Variants in GNG8 observed in about 807,000 individuals in gnomAD.
GNG8 encodes the protein G protein subunit gamma 8, also known as guanine nucleotide-binding protein G(I)/G(S)/G(O) subunit gamma-8.
Under a neutral mutation model 4.6 loss-of-function variants are expected in GNG8, and 3 were observed. The ratio of observed to expected loss-of-function variants is 0.65; its 90% CI spans 0.29 to 1.67. GNG8 has a LOEUF of 1.67. Among genes scored for constraint, GNG8 ranks in the 40% most tolerant of loss-of-function variants. The probability of loss-of-function intolerance (pLI) is 0.10; values close to 1 mark genes in which losing one functional copy is unlikely to be tolerated. For synonymous variants in GNG8, 32 were observed against 40.5 expected (o/e 0.79, Z 0.80); for missense variants, 88 against 95.2 (o/e 0.92, Z 0.32).
rs1049227704 is a variant in GNG8, at chr19:46,634,575, C to G, written c.84+24G>C. ...AGACCGCAGGCCCAGAACCCCCGCC[C>G]TATTCCCCACCCCGACCCAGCACCT... On this transcript the variant is annotated intron_variant, in intron 2 of 2. Coordinates refer to ENST00000693335, the MANE Select transcript of GNG8 (RefSeq NM_033258.2). 1.9e-6 allele frequency: 3 copies of G among 1,603,214 alleles called. No individual in the cohort carries two copies. In the South Asian group the frequency reaches 3.3e-5, roughly 18 times the overall value.
upstream of GNG8, chr19:46,637,465 A>G (rs1041677992): frequency 1.3e-5 from 2 of 152,526 alleles, no homozygotes; most frequent in African/African-American, 4.8e-5. Flanking sequence ...CTTGCCTTCT[A>G]CACACAAGGC....
chr19:46,636,624 C>T (rs1159898188), upstream of GNG8, among the ~76,000 whole-genome samples: 1 of 152,120 alleles, frequency 6.6e-6, no homozygotes, highest in Non-Finnish European at 1.5e-5. Flanking sequence ...CACAACCTCA[C>T]GAATGACCTT....
upstream of GNG8, chr19:46,637,270 TCA>T (rs1324746114): frequency 6.6e-6 from 1 of 152,280 alleles, no homozygotes; most frequent in East Asian, 1.9e-4. Flanking sequence ...ATACATTCTC[TCA>T]CAGTCTCCTG....
chr19:46,636,756 A>G (rs2052871744), upstream of GNG8: 1 of 151,712 alleles, frequency 6.6e-6, no homozygotes, highest in Non-Finnish European at 1.5e-5. Context: ...AGTGTCACAC[A>G]TAATGTCTCC....
upstream of GNG8, among the ~76,000 whole-genome samples, chr19:46,636,327 T>C (rs2052869029): frequency 6.6e-6 from 1 of 151,938 alleles, no homozygotes; most frequent in African/African-American, 2.4e-5. Flanking sequence ...CTCTCTCTTG[T>C]CTGTCAGTCC....
In GNG8 at chr19:46,634,084, G is replaced by C; in HGVS notation, c.205C>G (p.Leu69Val). 1 of 1,613,602 alleles carries C rather than the reference G, an allele frequency of 6.2e-7. No individual in the cohort carries two copies. Among genetic ancestry groups the C allele is most frequent in the African/African-American group, 1.3e-5 (1 of 75,036 alleles). Residue 69 changes from leucine to valine, a missense_variant, in exon 3 of 3, where the codon CTG becomes GTG. Physicochemically the swap from Leu to Val is conservative, Grantham distance 32 (BLOSUM62 1). Transcript: ENST00000693335. ...TAAGCTGTCCGGAGGGCTCAGAGCA[G>C]AACACAAAAGAGGCGCTTGTCGCGG... The part of the protein sequence containing the change: ...PFRDKRLFCV[L>V]L
rs549414059 is a variant in GNG8, at chr19:46,634,087, C to T, written c.202G>A (p.Val68Ile). 1.5e-4 allele frequency: 239 copies of T among 1,613,626 alleles called. 2 individuals carry two copies. The South Asian group carries it at 2.4e-3, about 17-fold the overall frequency. Residue 68 changes from valine (V) to isoleucine (I), a missense_variant, in exon 3 of 3, where the codon GTT (valine) becomes ATT (isoleucine). Val to Ile is a conservative substitution (Grantham distance 29). Transcript: ENST00000693335. ...GCTGTCCGGAGGGCTCAGAGCAGAACACAAAAGAGGCGCTTGTCGCGGAAG... is the reference window on the plus strand; with the variant it reads ...GCTGTCCGGAGGGCTCAGAGCAGAATACAAAAGAGGCGCTTGTCGCGGAAG... The part of the protein sequence containing the change: ...NPFRDKRLFC[V>I]LL
chr19:46,635,138 A>G (rs1274572122), intron 1 of GNG8, among the ~76,000 whole-genome samples: 3 of 152,004 alleles, frequency 2.0e-5, no homozygotes, highest in Non-Finnish European at 4.4e-5. Flanking sequence ...AGGGGGCCTC[A>G]TTAGGGCCTT....
chr19:46,634,473 C>T (rs2052850633), intron 2 of GNG8, 126 bp downstream of exon 2: 2 of 870,996 alleles, frequency 2.3e-6, no homozygotes, highest in African/African-American at 1.7e-5. Context: ...TCCTGCCCTG[C>T]CCCGCCCCTT....
upstream of GNG8, chr19:46,637,602 G>A (rs1466099020): frequency 1.3e-5 from 2 of 152,432 alleles, no homozygotes; most frequent in Non-Finnish European, 2.9e-5. Context: ...TGTTTTTTGA[G>A]ACAAGGTCTC....
In GNG8 at chr19:46,634,217, G is replaced by C; in HGVS notation, c.85-13C>G. The C allele has an allele frequency of 6.3e-7, 1 of 1,596,698 alleles. No homozygotes were observed. Among genetic ancestry groups the C allele is most frequent in the Admixed American group, 1.7e-5 (1 of 58,538 alleles). On this transcript the variant is annotated splice_polypyrimidine_tract_variant and intron_variant, in intron 2 of 2. Transcript: ENST00000693335. Reference sequence around the variant, plus strand: ...CTGCCTGCGACACCTGCGAGCACCCGGGTGGAGATGTCACCGCCCTGCCCG... The same window carrying C: ...CTGCCTGCGACACCTGCGAGCACCCCGGTGGAGATGTCACCGCCCTGCCCG...
At chr19:46,634,826 C>T in intron 1 of GNG8, 101 bp from the exon 2 acceptor site, 1 of 654,202 alleles carries the variant, frequency 1.5e-6, no homozygotes, top group Non-Finnish European at 2.8e-6. Context: ...AATGGGGTGG[C>T]CAGGGGCTGG....
rs945512814 is a variant in GNG8, at chr19:46,636,139, C to T, written c.-44+8G>A. On this transcript the variant is annotated splice_region_variant and intron_variant, in intron 1 of 2. Transcript: ENST00000693335. The stretch of plus-strand genomic sequence containing the variant: ...ACCAGCTGTGGGGCCGGGACCGGAG[C>T]TTCCTACCTGTTGCTGCTCTGGGCC... 1.3e-5 allele frequency among the ~76,000 whole-genome samples: 2 copies of T among 152,100 alleles called. No homozygotes were observed. Among genetic ancestry groups the T allele is most frequent in the Admixed American group, 1.3e-4 (2 of 15,282 alleles).
Position 46,634,514 on chromosome 19 carries a change from A to G in GNG8, c.84+85T>C. 3 of 1,262,510 alleles carry G rather than the reference A, an allele frequency of 2.4e-6. No homozygotes were observed. In the Admixed American group the frequency reaches 5.9e-5, roughly 25 times the overall value. The allele number at this position is 1,262,510 out of a possible 1,614,324, so 78.2% of individuals were successfully genotyped here. A position where few individuals can be genotyped will look rare whatever the true frequency, so the allele number is the denominator to read the frequency against. ...GCCCTGTTCCCAGGGGCATCCTTGC[A>G]CTATGGCTCCGAGCCGGGCCGACAC... On this transcript the variant is annotated intron_variant, in intron 2 of 2. Coordinates refer to ENST00000693335, the MANE Select transcript of GNG8 (RefSeq NM_033258.2).
chr19:46,634,274 T>C, intron 2 of GNG8, 70 bp from the exon 3 acceptor site: 1 of 1,504,208 alleles, frequency 6.6e-7, no homozygotes, highest in Non-Finnish European at 8.9e-7. Context: ...AGGCCCCGCC[T>C]CTTGCCCTGT....
In GNG8 at chr19:46,633,974, C is replaced by T. The variant is rs1388684374; in HGVS notation, c.*102G>A. On this transcript the variant is annotated 3_prime_UTR_variant, in exon 3 of 3. Transcript: ENST00000693335. ...CAGCTTCCCCTACGGTGGCCCCAAG[C>T]TCTGTGCGTGCCTCAGTCTCCCTGA... 1.4e-6 allele frequency: 2 copies of T among 1,390,156 alleles called. No individual in the cohort carries two copies. Among genetic ancestry groups the T allele is most frequent in the African/African-American group, 1.4e-5 (1 of 69,532 alleles). The allele number at this position is 1,390,156 out of a possible 1,614,324, so 86.1% of individuals were successfully genotyped here. A position where few individuals can be genotyped will look rare whatever the true frequency, so the allele number is the denominator to read the frequency against.
At chr19:46,634,404 TCCCTCCCCTCGTCCTGGC>T (rs2052849759) in intron 2 of GNG8, among the ~76,000 whole-genome samples, 177 bp downstream of exon 2, 2 of 57,738 alleles carry the variant, frequency 3.5e-5, no homozygotes, top group African/African-American at 1.3e-4. Flanking sequence ...CCCTGCCCCA[TCCCTCCCCTCGTCCTGGC>T]CCCTCCCCTG....
intron 1 of GNG8, among the ~76,000 whole-genome samples, chr19:46,635,903 A>G (rs1195497519): frequency 1.3e-5 from 2 of 150,576 alleles, no homozygotes; most frequent in Non-Finnish European, 3.0e-5. Context: ...ATAAAGGAAC[A>G]GAGACGGGGA....
At chr19:46,639,299 G>C (rs569493345), upstream of GNG8, 1 of 152,560 alleles carries the variant, frequency 6.6e-6, no homozygotes, top group Non-Finnish European at 1.5e-5. This position sits in a 1 kb window ranked among gnomAD's most constrained non-coding sequence, Gnocchi z 5.2. Flanking sequence ...CCCGATGGAC[G>C]GGGCTTGGGG....
Sources: allele counts gnomAD v4.1 joint callset (sites outside exome capture counted in the v4.1 genomes callset), GRCh38; gene constraint gnomAD v4.1.1; non-coding constraint Gnocchi (gnomAD v3.1); transcripts MANE v1.5; gene names NCBI Gene and HGNC (gene_info 2026-07-23, HGNC 2026-07-21).